The following CNTNAP2 variants were observed in gnomAD, a reference collection of about 807,000 sequenced individuals.
The protein encoded by CNTNAP2 is contactin-associated protein-like 2.
In CNTNAP2, 98 loss-of-function variants were observed where a neutral mutation model predicts 155.2. The ratio of observed to expected loss-of-function variants is 0.63; its 90% CI spans 0.54 to 0.75. CNTNAP2 has a LOEUF of 0.75. CNTNAP2 is among the 30% of genes least tolerant of loss of function. The pLI, the probability that CNTNAP2 is intolerant of heterozygous loss-of-function variation, is 0.00. For synonymous variants in CNTNAP2, 651 were observed against 631.2 expected, an observed-to-expected ratio of 1.03 and a Z score of -0.47; for missense variants, 1,727 against 1,688.1, an observed-to-expected ratio of 1.02 and a Z score of -0.40.
At chr7:146,659,215 A>G (rs1800044159) in intron 1 of CNTNAP2, among the ~76,000 whole-genome samples, 1 of 152,214 alleles carries the variant, frequency 6.6e-6, no homozygotes, top group Non-Finnish European at 1.5e-5. Context: ...TTAGAAGGTT[A>G]GTTAGTTACC....
intron 13 of CNTNAP2, among the ~76,000 whole-genome samples, chr7:147,702,581 G>T (rs923117060): frequency 2.0e-5 from 3 of 151,852 alleles, no homozygotes; most frequent in African/African-American, 7.3e-5. Flanking sequence ...GCTTCCTTTA[G>T]TAACCCCACC....
In CNTNAP2 at chr7:146,752,078, A is replaced by G. The variant is rs113655577; in HGVS notation, c.98-22193A>G. 5.0e-3 allele frequency among the ~76,000 whole-genome samples: 768 copies of G among 152,226 alleles called. 2 individuals carry two copies. The highest frequency in any genetic ancestry group is 6.9e-3 in the Non-Finnish European group (472 of 68,020). ...CTTTGTTATTGTAAATAGTGCTGCA[A>G]TAAACATACGTGTGCATGTGTCTTT... On this transcript the variant is annotated intron_variant, in intron 1 of 23. Coordinates refer to ENST00000361727, the MANE Select transcript of CNTNAP2 (RefSeq NM_014141.6).
chr7:148,098,132 G>A (rs1157534213), intron 15 of CNTNAP2, among the ~76,000 whole-genome samples: 1 of 152,080 alleles, frequency 6.6e-6, no homozygotes, highest in Admixed American at 6.6e-5. Context: ...ATGTTCTGAA[G>A]CTGGAACAAG....
At chr7:148,341,273 C>CT (rs200209819) in intron 21 of CNTNAP2, among the ~76,000 whole-genome samples, 2,288 of 120,318 alleles carry the variant, frequency 0.019, 45 homozygotes, top group African/African-American at 0.072. Context: ...CAGAGGATTT[C>CT]TTTTTTTTTT....
Position 146,544,974 on chromosome 7 carries a change from A to G in CNTNAP2, c.98-229297A>G, listed in dbSNP as rs147254248. 2.1e-3 allele frequency among the ~76,000 whole-genome samples: 312 copies of G among 152,052 alleles called. 1 individual carries two copies. Among genetic ancestry groups the G allele is most frequent in the African/African-American group, 7.1e-3 (294 of 41,514 alleles). On this transcript the variant is annotated intron_variant, in intron 1 of 23. Transcript: ENST00000361727. ...GTCTGAAACTTAGGCCTGAAGAGCTAGTACATATATGAGTAAGCAAAGCAA... is the reference window on the plus strand; with the variant it reads ...GTCTGAAACTTAGGCCTGAAGAGCTGGTACATATATGAGTAAGCAAAGCAA...
chr7:146,716,986 G>A (rs1033155070), intron 1 of CNTNAP2, among the ~76,000 whole-genome samples: 2 of 152,106 alleles, frequency 1.3e-5, no homozygotes, highest in South Asian at 2.1e-4. Context: ...ACTCTCATTA[G>A]AGGAGAAGTC....
intron 1 of CNTNAP2, among the ~76,000 whole-genome samples, chr7:146,698,336 A>C (rs1349903144): frequency 6.6e-6 from 1 of 152,032 alleles, no homozygotes; most frequent in South Asian, 2.1e-4. Context: ...TTTAAAAGGG[A>C]GGCTTGCTAC....
intron 9 of CNTNAP2, among the ~76,000 whole-genome samples, chr7:147,313,757 G>A (rs1361546685): frequency 1.3e-5 from 2 of 152,018 alleles, no homozygotes; most frequent in Non-Finnish European, 2.9e-5. Flanking sequence ...CTCTTTTTTG[G>A]TTCCATATGA....
intron 1 of CNTNAP2, among the ~76,000 whole-genome samples, chr7:146,728,818 A>G (rs1801476796): frequency 1.3e-5 from 2 of 152,160 alleles, no homozygotes; most frequent in Non-Finnish European, 2.9e-5. Flanking sequence ...TGTGCTGCAT[A>G]TCAGGTCAGA....
Position 147,084,755 on chromosome 7 carries a change from GTGATATA to G in CNTNAP2, c.551-23383_551-23377del, listed in dbSNP as rs1262611671. Among the ~76,000 whole-genome samples the G allele has an allele frequency of 4.1e-5, 6 of 147,432 alleles. No homozygotes were observed. The Admixed American group carries it at 4.1e-4, about 10-fold the overall frequency. On this transcript the variant is annotated intron_variant, in intron 4 of 23. Coordinates refer to ENST00000361727, the MANE Select transcript of CNTNAP2 (RefSeq NM_014141.6). ...TAATTATATATAATGTATATAATAT[GTGATATA>G]TGATATATAATATGTAACATGATGA...
intron 1 of CNTNAP2, among the ~76,000 whole-genome samples, chr7:146,306,617 A>G (rs1052901244): frequency 5.9e-5 from 9 of 152,236 alleles, no homozygotes; most frequent in Non-Finnish European, 1.0e-4. Flanking sequence ...AACGTAATCC[A>G]TCATATAAAT....
rs368666303 is a variant in CNTNAP2 at position 146,222,784 on chromosome 7, T to C, written c.97+105811T>C. ...CATTCTTCTGCCTCAGCCTCCCAAG[T>C]AGCTGGGACTACAGGCGCCCGCCAC... is the stretch of plus-strand genomic sequence containing the variant. On this transcript the variant is annotated intron_variant, in intron 1 of 23. Transcript: ENST00000361727. Among the ~76,000 whole-genome samples the C allele has an allele frequency of 6.3e-4, 96 of 151,902 alleles. 1 individual carries two copies. In the East Asian group the frequency reaches 0.012, roughly 19 times the overall value.
At chr7:146,730,262 A>C (rs1033735850) in intron 1 of CNTNAP2, among the ~76,000 whole-genome samples, 10 of 152,186 alleles carry the variant, frequency 6.6e-5, no homozygotes, top group Non-Finnish European at 1.3e-4. Context: ...CTACTCCAAT[A>C]AAAATTATTG....
intron 10 of CNTNAP2, among the ~76,000 whole-genome samples, chr7:147,406,036 G>T (rs1384489083): frequency 6.6e-6 from 1 of 152,094 alleles, no homozygotes; most frequent in Non-Finnish European, 1.5e-5. Flanking sequence ...AATGGTTAAG[G>T]TGTGTATCTT....
chr7:148,010,895 A>G (rs1365027989), intron 15 of CNTNAP2, among the ~76,000 whole-genome samples: 2 of 152,260 alleles, frequency 1.3e-5, no homozygotes, highest in Non-Finnish European at 2.9e-5. Context: ...CTAGTGATAC[A>G]TCTTCATAAT....
chr7:146,719,627 T>G (rs1801251046), intron 1 of CNTNAP2, among the ~76,000 whole-genome samples: 1 of 152,136 alleles, frequency 6.6e-6, no homozygotes, highest in South Asian at 2.1e-4. Context: ...TTTGCTATCT[T>G]TACATATTCT....
At chr7:148,178,109 C>T (rs1218614434) in intron 18 of CNTNAP2, among the ~76,000 whole-genome samples, 3 of 152,036 alleles carry the variant, frequency 2.0e-5, no homozygotes, top group Non-Finnish European at 4.4e-5. Flanking sequence ...TGGATATCAC[C>T]CAGGCTGCTG....
At chr7:146,915,783 C>T (rs1796380970) in intron 3 of CNTNAP2, 1 of 152,072 alleles carries the variant, frequency 6.6e-6, no homozygotes, top group Non-Finnish European at 1.5e-5. Flanking sequence ...GTTTGACTTC[C>T]TCTCTACTGA....
intron 15 of CNTNAP2, among the ~76,000 whole-genome samples, chr7:147,986,877 G>C (rs113525884): frequency 1.3e-5 from 1 of 79,326 alleles, no homozygotes; most frequent in Non-Finnish European, 2.1e-5. Context: ...TTTTGTTTGT[G>C]TGTGTGTGTG....
Sources: allele counts gnomAD v4.1 joint callset (sites outside exome capture counted in the v4.1 genomes callset), GRCh38; gene constraint gnomAD v4.1.1; transcripts MANE v1.5; gene names NCBI Gene and HGNC (gene_info 2026-07-23, HGNC 2026-07-21).